The following SOX6 variants were observed in gnomAD, a reference collection of about 807,000 sequenced individuals.
SOX6 encodes the protein SRY-box transcription factor 6.
Under a neutral mutation model 97.8 loss-of-function variants are expected in SOX6, and 11 were observed. The ratio of observed to expected loss-of-function variants is 0.11; its 90% CI spans 0.07 to 0.19. The LOEUF is 0.19. SOX6 is among the 10% of genes least tolerant of loss of function. The pLI, the probability that SOX6 is intolerant of heterozygous loss-of-function variation, is 1.00. For missense variants in SOX6, 810 were observed against 1,039.5 expected (o/e 0.78, Z 3.04); for synonymous variants, 360 against 371.4 (o/e 0.97, Z 0.35).
chr11:16,261,945 G>T (rs995336774), intron 3 of SOX6, among the ~76,000 whole-genome samples: 2 of 151,928 alleles, frequency 1.3e-5, no homozygotes, highest in Non-Finnish European at 2.9e-5. Context: ...TTTGAGGGGG[G>T]AATAGAAAAA....
At chr11:16,708,750 C>T (rs1848155376) in intron 3 of SOX6, among the ~76,000 whole-genome samples, 1 of 152,166 alleles carries the variant, frequency 6.6e-6, no homozygotes, top group Admixed American at 6.5e-5. Context: ...TAAATAAAGA[C>T]TTATACCGGA....
At chr11:16,660,836 G>C (rs1351428591) in intron 3 of SOX6, among the ~76,000 whole-genome samples, 1 of 152,176 alleles carries the variant, frequency 6.6e-6, no homozygotes, top group Non-Finnish European at 1.5e-5. Context: ...ATATGCTAGT[G>C]CCTTGATCCT....
At chr11:16,650,839 G>A (rs1035456935) in intron 3 of SOX6, among the ~76,000 whole-genome samples, 23 of 151,778 alleles carry the variant, frequency 1.5e-4, no homozygotes, top group Admixed American at 4.6e-4. Flanking sequence ...ACAAAAAGCC[G>A]GTTCTTTGAA....
At chr11:16,177,049 CT>C (rs1291240070) in intron 6 of SOX6, among the ~76,000 whole-genome samples, 2 of 151,844 alleles carry the variant, frequency 1.3e-5, no homozygotes, top group African/African-American at 4.8e-5. Flanking sequence ...TAGTTGGGAA[CT>C]TTTTATTTTA....
chr11:16,059,606 G>A (rs1359782613), intron 9 of SOX6, among the ~76,000 whole-genome samples: 1 of 151,962 alleles, frequency 6.6e-6, no homozygotes. Flanking sequence ...CTTATGTCAT[G>A]ATTGTTGCTT....
chr11:16,541,267 A>G (rs1041023709), intron 4 of SOX6, among the ~76,000 whole-genome samples: 1 of 152,228 alleles, frequency 6.6e-6, no homozygotes, highest in Non-Finnish European at 1.5e-5. Flanking sequence ...CTGGCTAGCT[A>G]TATGTAGAAA....
At chr11:16,603,773 T>A (rs1168185041) in intron 4 of SOX6, among the ~76,000 whole-genome samples, 1 of 152,074 alleles carries the variant, frequency 6.6e-6, no homozygotes, top group Non-Finnish European at 1.5e-5. Context: ...TTACCAATAG[T>A]TGAACAGCCG....
At chr11:16,696,972 T>C (rs181499269) in intron 3 of SOX6, among the ~76,000 whole-genome samples, 24 of 149,492 alleles carry the variant, frequency 1.6e-4, no homozygotes, top group African/African-American at 6.1e-4. Flanking sequence ...TTATGAAATA[T>C]CCTAAATCCT....
chr11:16,248,713 C>G (rs1051428855), intron 3 of SOX6, among the ~76,000 whole-genome samples: 1 of 152,194 alleles, frequency 6.6e-6, no homozygotes, highest in African/African-American at 2.4e-5. Context: ...ACCATTTTTC[C>G]CTCCTAGGCC....
At chr11:16,731,222 C>T (rs995915195) in intron 2 of SOX6, among the ~76,000 whole-genome samples, 1 of 151,926 alleles carries the variant, frequency 6.6e-6, no homozygotes, top group East Asian at 1.9e-4. Flanking sequence ...AGAAAAAGAG[C>T]GACTCCTCCC....
intron 3 of SOX6, among the ~76,000 whole-genome samples, chr11:16,686,558 T>C (rs147042534): frequency 1.1e-3 from 175 of 152,326 alleles, no homozygotes; most frequent in Non-Finnish European, 2.0e-3. Context: ...GTTCCTCATT[T>C]CAATCTGAGA....
intron 6 of SOX6, among the ~76,000 whole-genome samples, chr11:16,130,440 A>G (rs979432232): frequency 7.2e-5 from 11 of 152,010 alleles, no homozygotes; most frequent in African/African-American, 2.7e-4. Context: ...ATATCAAAAT[A>G]GCATATCATA....
At chr11:16,640,044 G>C (rs1848870881) in intron 3 of SOX6, among the ~76,000 whole-genome samples, 1 of 152,120 alleles carries the variant, frequency 6.6e-6, no homozygotes, top group South Asian at 2.1e-4. Flanking sequence ...CTGGCTGTGG[G>C]TTTGTCATAA....
intron 2 of SOX6, among the ~76,000 whole-genome samples, chr11:16,736,050 C>A (rs1848388566): frequency 6.6e-6 from 1 of 152,084 alleles, no homozygotes; most frequent in African/African-American, 2.4e-5. Flanking sequence ...GTCTTTACTA[C>A]CCAAGAAAGA....
At position 15,986,221 on chromosome 11, in the gene SOX6, C is replaced by T. The variant is rs747767000; in HGVS notation, c.2166G>A (p.Arg722=). 6 of 1,614,130 alleles carry T rather than the reference C, an allele frequency of 3.7e-6. No individual in the cohort carries two copies. The highest frequency in any genetic ancestry group is 1.1e-5 in the South Asian group (1 of 91,080). ...ATACTTACCCCACAGTAAAGAACTGCCTCATCTCCTGTCTCCGAGACCTCA... is the reference window on the plus strand; with the variant it reads ...ATACTTACCCCACAGTAAAGAACTGTCTCATCTCCTGTCTCCGAGACCTCA... The part of the protein sequence containing the change: ...QLMRSRRQEM[R]QFFTVGQQPQ... Residue 722 remains arginine (R), a synonymous_variant, in exon 15 of 16, where the codon AGG becomes AGA. Coordinates refer to ENST00000683767, the MANE Select transcript of SOX6 (RefSeq NM_001367873.1).
At chr11:16,243,704 T>A (rs1853259187) in intron 3 of SOX6, among the ~76,000 whole-genome samples, 1 of 151,992 alleles carries the variant, frequency 6.6e-6, no homozygotes, top group South Asian at 2.1e-4. Flanking sequence ...CAACCACTGA[T>A]ATGATTTCTA....
At chr11:16,668,583 C>G (rs1449345842) in intron 3 of SOX6, among the ~76,000 whole-genome samples, 1 of 152,058 alleles carries the variant, frequency 6.6e-6, no homozygotes, top group Non-Finnish European at 1.5e-5. Context: ...TGTACATAAA[C>G]TAAACTTTCC....
chr11:16,603,333 G>A (rs926443834), intron 4 of SOX6, among the ~76,000 whole-genome samples: 1 of 152,182 alleles, frequency 6.6e-6, no homozygotes, highest in Non-Finnish European at 1.5e-5. Context: ...AGCCAGGTAG[G>A]AAGCTCAAGA....
At chr11:16,519,466 A>G (rs1772753088) in intron 4 of SOX6, among the ~76,000 whole-genome samples, 1 of 152,130 alleles carries the variant, frequency 6.6e-6, no homozygotes, top group Admixed American at 6.6e-5. Flanking sequence ...TTTCTGAGTT[A>G]TTTAACTTAG....
Sources: allele counts gnomAD v4.1 joint callset (sites outside exome capture counted in the v4.1 genomes callset), GRCh38; gene constraint gnomAD v4.1.1; transcripts MANE v1.5; gene names NCBI Gene and HGNC (gene_info 2026-07-23, HGNC 2026-07-21).